SRBD1: variants seen among roughly 807,000 people sequenced by gnomAD.
SRBD1 encodes the protein S1 RNA binding domain 1.
In SRBD1, 88 loss-of-function variants were observed where a neutral mutation model predicts 115.3. That is an observed-to-expected ratio of 0.76 (90% CI 0.64 to 0.91). The LOEUF (loss-of-function observed/expected upper bound fraction) is 0.91. Ranked by LOEUF, SRBD1 falls within the 40% of genes least tolerant of loss-of-function variation. The pLI is 0.00. For missense variants in SRBD1, 1,385 were observed against 1,177.4 expected (o/e 1.18, Z -2.58); for synonymous variants, 509 against 407.7 (o/e 1.25, Z -2.99).
intron 14 of SRBD1, among the ~76,000 whole-genome samples, chr2:45,494,378 CTT>C (rs945703350): frequency 6.8e-6 from 1 of 146,696 alleles, no homozygotes. Context: ...TAATGGCCAA[CTT>C]TTTTTTTTTA....
At chr2:45,484,261 A>G (rs1014943214) in intron 15 of SRBD1, among the ~76,000 whole-genome samples, 2 of 152,188 alleles carry the variant, frequency 1.3e-5, no homozygotes, top group Admixed American at 1.3e-4. Flanking sequence ...AGGCTTGTCA[A>G]CTATGGCTTA....
At chr2:45,534,418 A>G (rs1671703417) in intron 14 of SRBD1, among the ~76,000 whole-genome samples, 3 of 151,984 alleles carry the variant, frequency 2.0e-5, no homozygotes. Flanking sequence ...ATGAATATCA[A>G]TAAAGAAAAG....
At chr2:45,597,615 T>TA (rs549780764) in intron 4 of SRBD1, among the ~76,000 whole-genome samples, 81 of 152,254 alleles carry the variant, frequency 5.3e-4, no homozygotes, top group African/African-American at 1.9e-3. Context: ...AGACACCAGA[T>TA]AGAGAGAAAA....
chr2:45,574,526 T>C (rs1673117162), intron 8 of SRBD1, 101 bp downstream of exon 8: 3 of 1,136,024 alleles, frequency 2.6e-6, no homozygotes, highest in African/African-American at 1.6e-5. Context: ...AAAAAAAGTC[T>C]GAAAACAAAG....
At chr2:45,455,141 G>A (rs1313826006) in intron 16 of SRBD1, among the ~76,000 whole-genome samples, 1 of 151,792 alleles carries the variant, frequency 6.6e-6, no homozygotes, top group African/African-American at 2.4e-5. Flanking sequence ...TGAAGGACAT[G>A]ACAAACTCTT....
At chr2:45,593,722 C>T (rs896060715) in intron 4 of SRBD1, among the ~76,000 whole-genome samples, 1 of 152,130 alleles carries the variant, frequency 6.6e-6, no homozygotes, top group Non-Finnish European at 1.5e-5. Context: ...AGCGACTGGC[C>T]ACCTCCCCTC....
At chr2:45,553,480 A>G in intron 11 of SRBD1, 143 bp downstream of exon 11, 1 of 413,776 alleles carries the variant, frequency 2.4e-6, no homozygotes, top group Non-Finnish European at 4.3e-6. Context: ...ATTGAAATCA[A>G]GCCTTAACTT....
intron 14 of SRBD1, among the ~76,000 whole-genome samples, chr2:45,535,783 C>T (rs1183641850): frequency 6.6e-6 from 1 of 151,964 alleles, no homozygotes; most frequent in Non-Finnish European, 1.5e-5. Flanking sequence ...CTCTTTTATC[C>T]ACTGATTAGG....
intron 16 of SRBD1, among the ~76,000 whole-genome samples, chr2:45,429,832 G>A (rs1023743584): frequency 9.2e-5 from 14 of 152,166 alleles, no homozygotes; most frequent in Non-Finnish European, 1.8e-4. Flanking sequence ...ATTCAAATAG[G>A]AAGAGAGGAA....
chr2:45,566,668 A>G (rs73927548), intron 9 of SRBD1, among the ~76,000 whole-genome samples: 7,615 of 152,274 alleles, frequency 0.05, 606 homozygotes, highest in African/African-American at 0.17. Context: ...ATGCAATATG[A>G]ATTTTACTTC....
intron 5 of SRBD1, 120 bp from the exon 6 acceptor site, chr2:45,581,930 T>G: frequency 1.4e-6 from 1 of 727,026 alleles, no homozygotes; most frequent in Non-Finnish European, 2.4e-6. Context: ...GTCTCTGAAC[T>G]GTTTGAGAAT....
rs1393058776 is a variant in SRBD1 at position 45,539,847 on chromosome 2, C to T, written c.1874+6885G>A. Among the ~76,000 whole-genome samples, 5 of 152,060 alleles carry T rather than the reference C, an allele frequency of 3.3e-5. No homozygotes were observed. The East Asian group carries it at 9.6e-4, about 29-fold the overall frequency. On this transcript the variant is annotated intron_variant, in intron 14 of 20. Transcript: ENST00000263736. ...CTGAACAAAAAAGGAAAGAAAGCAT[C>T]ACAAAGCAGAACCAGCAATTACAGC...
chr2:45,412,217 A>G (rs1201559501), intron 19 of SRBD1, among the ~76,000 whole-genome samples: 1 of 152,212 alleles, frequency 6.6e-6, no homozygotes, highest in Admixed American at 6.5e-5. Flanking sequence ...AGGTGTGGCT[A>G]TATAGGAATT....
intron 17 of SRBD1, among the ~76,000 whole-genome samples, 184 bp from the exon 18 acceptor site, chr2:45,418,725 G>A (rs1233546297): frequency 6.7e-6 from 1 of 150,156 alleles, no homozygotes. Flanking sequence ...TGTGCAAGAG[G>A]AAAGAAGGAC....
At position 45,395,851 on chromosome 2, in the gene SRBD1, G is replaced by A. The variant is rs374787811; in HGVS notation, c.2514-2722C>T. Among the ~76,000 whole-genome samples, 20 of 152,204 alleles carry A rather than the reference G, an allele frequency of 1.3e-4. No individual in the cohort carries two copies. In the East Asian group the frequency reaches 1.7e-3, roughly 13 times the overall value. ...AACATATGTTCCTTAAATATCCTAA[G>A]AAAAATTTATTCTACATATTCTAAA... On this transcript the variant is annotated intron_variant, in intron 19 of 20. Transcript: ENST00000263736.
At chr2:45,448,589 G>A (rs1483474544) in intron 16 of SRBD1, among the ~76,000 whole-genome samples, 1 of 152,084 alleles carries the variant, frequency 6.6e-6, no homozygotes, top group East Asian at 1.9e-4. Flanking sequence ...AACTGGAAAG[G>A]CTTGTGCCCT....
At chr2:45,590,295 CAGTTT>C (rs1290911472) in intron 4 of SRBD1, among the ~76,000 whole-genome samples, 1 of 152,214 alleles carries the variant, frequency 6.6e-6, no homozygotes. Flanking sequence ...ACTCAGTTTA[CAGTTT>C]AGCTTTGAAA....
intron 14 of SRBD1, among the ~76,000 whole-genome samples, chr2:45,525,095 A>C (rs1008618257): frequency 1.3e-5 from 2 of 151,952 alleles, no homozygotes; most frequent in African/African-American, 4.8e-5. Context: ...AGGCAAAAAA[A>C]ATGAATTTGA....
rs775339488 is a variant in SRBD1, at chr2:45,562,559, G to A, written c.1409+94C>T. The A allele has an allele frequency of 8.7e-5, 86 of 984,472 alleles. No homozygotes were observed. In the Admixed American group the frequency reaches 2.4e-3, roughly 27 times the overall value. 61.0% of individuals were successfully genotyped at this position (984,472 alleles called of 1,614,324 possible). Reference sequence around the variant, plus strand: ...TCACTGGCTTTTTAAAAATGTTCACGTAATAGACATCTTTACATATCAGTA... The same window carrying A: ...TCACTGGCTTTTTAAAAATGTTCACATAATAGACATCTTTACATATCAGTA... On this transcript the variant is annotated intron_variant, in intron 10 of 20. Coordinates refer to ENST00000263736, the MANE Select transcript of SRBD1 (RefSeq NM_018079.5).
Sources: allele counts gnomAD v4.1 joint callset (sites outside exome capture counted in the v4.1 genomes callset), GRCh38; gene constraint gnomAD v4.1.1; transcripts MANE v1.5; gene names NCBI Gene and HGNC (gene_info 2026-07-23, HGNC 2026-07-21).